SHTN1: variants seen among roughly 807,000 people sequenced by gnomAD.
The protein encoded by SHTN1 is shootin 1.
In SHTN1, 42 loss-of-function variants were observed where a neutral mutation model predicts 83.1. The observed-to-expected ratio is 0.51, with a 90% CI of 0.39 to 0.65. SHTN1 has a LOEUF of 0.65. SHTN1 is among the 30% of genes least tolerant of loss of function. SHTN1 has a pLI of 0.00. For synonymous variants in SHTN1, 224 were observed against 247.7 expected (o/e 0.90, Z 0.90); for missense variants, 622 against 737.8 (o/e 0.84, Z 1.82).
intron 2 of SHTN1, among the ~76,000 whole-genome samples, chr10:117,013,869 C>A (rs747853972): frequency 5.9e-5 from 9 of 152,152 alleles, no homozygotes; most frequent in Non-Finnish European, 1.2e-4. Context: ...GCCAAGATGT[C>A]CCTCAATAGG....
intron 1 of SHTN1, among the ~76,000 whole-genome samples, chr10:117,102,326 A>G (rs761171928): frequency 3.9e-5 from 6 of 152,214 alleles, no homozygotes; most frequent in Non-Finnish European, 8.8e-5. Flanking sequence ...AGTCTCAGGC[A>G]GAGACCAAGA....
chr10:116,938,068 C>A (rs972611661), intron 9 of SHTN1, among the ~76,000 whole-genome samples: 2 of 151,860 alleles, frequency 1.3e-5, no homozygotes, highest in African/African-American at 4.8e-5. Flanking sequence ...TTCCTCTAAC[C>A]TTTTATCAAG....
intron 2 of SHTN1, among the ~76,000 whole-genome samples, chr10:117,027,377 C>T (rs7085068): frequency 0.91 from 138,484 of 152,188 alleles, 64,406 homozygotes; most frequent in Non-Finnish European, 1. Context: ...AGCTTCTCCT[C>T]CACTGCCCAC....
chr10:117,023,622 T>G (rs1404805227), intron 2 of SHTN1: 1 of 152,642 alleles, frequency 6.6e-6, no homozygotes, highest in Admixed American at 6.5e-5. Context: ...GGGAAATTTT[T>G]GCCGTCTTCC....
Position 116,927,780 on chromosome 10 carries a change from G to A in SHTN1, c.1112+12C>T, listed in dbSNP as rs1848800266. On this transcript the variant is annotated intron_variant, in intron 11 of 16. Coordinates refer to ENST00000355371, the MANE Select transcript of SHTN1 (RefSeq NM_001127211.3). ...ACATTTGATGCAGAGCAGTCTTCCT[G>A]GATGTGCTTACCGGATAGGATTGGG... 1 of 1,550,748 alleles carries A rather than the reference G, an allele frequency of 6.4e-7. No individual in the cohort carries two copies. Among genetic ancestry groups the A allele is most frequent in the Admixed American group, 2.0e-5 (1 of 49,424 alleles).
At chr10:117,054,864 T>C (rs927110455) in intron 1 of SHTN1, among the ~76,000 whole-genome samples, 3 of 152,182 alleles carry the variant, frequency 2.0e-5, no homozygotes, top group Admixed American at 6.5e-5. Flanking sequence ...AAGCAATATA[T>C]ATCTTCCATA....
At chr10:116,936,856 T>C (rs1450562999) in intron 9 of SHTN1, among the ~76,000 whole-genome samples, 1 of 152,200 alleles carries the variant, frequency 6.6e-6, no homozygotes, top group African/African-American at 2.4e-5. Context: ...CTGTATTGGG[T>C]GCATATATAT....
At chr10:116,939,742 G>C (rs965555704) in intron 9 of SHTN1, among the ~76,000 whole-genome samples, 2 of 152,240 alleles carry the variant, frequency 1.3e-5, no homozygotes, top group African/African-American at 4.8e-5. Flanking sequence ...GCTTTGACAG[G>C]TGGTAACAAG....
chr10:117,055,515 T>C (rs1425904470), intron 1 of SHTN1, among the ~76,000 whole-genome samples: 1 of 152,220 alleles, frequency 6.6e-6, no homozygotes, highest in African/African-American at 2.4e-5. Context: ...TGGAACCAGA[T>C]AGTGGTGCTT....
At chr10:116,906,178 C>T (rs1390799703) in intron 15 of SHTN1, among the ~76,000 whole-genome samples, 6 of 152,236 alleles carry the variant, frequency 3.9e-5, no homozygotes, top group Admixed American at 3.9e-4. Context: ...TAGAATTATC[C>T]TATGAAGCAG....
intron 1 of SHTN1, among the ~76,000 whole-genome samples, chr10:117,056,272 A>C (rs1340567209): frequency 6.6e-6 from 1 of 152,226 alleles, no homozygotes; most frequent in East Asian, 1.9e-4. Flanking sequence ...AGAAAATTAC[A>C]GATCAATATT....
intron 2 of SHTN1, among the ~76,000 whole-genome samples, chr10:117,025,426 A>T (rs1445234119): frequency 6.6e-6 from 1 of 152,224 alleles, no homozygotes; most frequent in Non-Finnish European, 1.5e-5. Flanking sequence ...TGTGGGCTAA[A>T]GTGCTCTGGG....
chr10:117,065,733 AAAGAAAGAAAGAAAGAAAGAAAG>A lies in SHTN1; in HGVS notation c.-188-17246_-188-17224del, dbSNP rs1268536100. Among the ~76,000 whole-genome samples, 22 of 17,216 alleles carry A rather than the reference AAAGAAAGAAAGAAAGAAAGAAAG, an allele frequency of 1.3e-3. 3 individuals are homozygous for A. The highest frequency in any genetic ancestry group is 1.7e-3 in the Non-Finnish European group (13 of 7,706). The allele number at this position is 17,216 out of a possible 152,430, so 11.3% of individuals were successfully genotyped here. On this transcript the variant is annotated intron_variant, in intron 1 of 17. Transcript: ENST00000392901. Reference sequence around the variant, plus strand: ...AGAGAGAGAGAGAGAGAGATGAAAGAAAGAAAGAAAGAAAGAAAGAAAGAAAGAAAGAAAGAAAGAAAGAAAGA... The same window carrying A: ...AGAGAGAGAGAGAGAGAGATGAAAGAAAAGAAAGAAAGAAAGAAAGAAAGA...
At chr10:116,899,871 T>C (rs1161308879) in intron 16 of SHTN1, among the ~76,000 whole-genome samples, 2 of 152,218 alleles carry the variant, frequency 1.3e-5, no homozygotes. Flanking sequence ...GACACAGCAC[T>C]GAAAATAACC....
chr10:117,012,152 A>AAG lies in SHTN1; in HGVS notation c.-122-32846_-122-32845dup, dbSNP rs1286390771. 2.6e-5 allele frequency among the ~76,000 whole-genome samples: 4 copies of AAG among 151,770 alleles called. No individual in the cohort carries two copies. In the East Asian group the frequency reaches 5.8e-4, roughly 22 times the overall value. On this transcript the variant is annotated intron_variant, in intron 2 of 17. Transcript: ENST00000392901. ...AGACTCCATCTCAAAAAAAAAAAAA[A>AAG]AGAGAAAAAGGAAAAAAAACCCTCA...
At chr10:117,043,800 C>T (rs966550273) in intron 2 of SHTN1, among the ~76,000 whole-genome samples, 4 of 152,124 alleles carry the variant, frequency 2.6e-5, no homozygotes, top group Admixed American at 2.0e-4. Context: ...TGTGATCATG[C>T]TACTGCACTC....
chr10:117,109,699 G>A (rs1175645109), intron 1 of SHTN1, among the ~76,000 whole-genome samples: 1 of 150,384 alleles, frequency 6.6e-6, no homozygotes, highest in Non-Finnish European at 1.5e-5. Context: ...CAAGTAGCTG[G>A]GACTATAGGA....
chr10:116,946,183 C>CATAT (rs3981229), intron 7 of SHTN1, among the ~76,000 whole-genome samples: 1 of 149,092 alleles, frequency 6.7e-6, no homozygotes, highest in African/African-American at 2.5e-5. Flanking sequence ...CTCTGTCTTC[C>CATAT]ATATATATAT....
chr10:117,005,175 G>C lies in SHTN1; in HGVS notation c.-96C>G. 1 of 1,541,974 alleles carries C rather than the reference G, an allele frequency of 6.5e-7. No homozygotes were observed. Among genetic ancestry groups the C allele is most frequent in the Non-Finnish European group, 8.7e-7 (1 of 1,144,132 alleles). Reference sequence around the variant, plus strand: ...AAAAGCAAGATGCCGGTGGCTTGCGGCTCCACTACCCGGAAGTTGGATCCG... The same window carrying C: ...AAAAGCAAGATGCCGGTGGCTTGCGCCTCCACTACCCGGAAGTTGGATCCG... On this transcript the variant is annotated 5_prime_UTR_variant, in exon 1 of 17. Coordinates refer to ENST00000355371, the MANE Select transcript of SHTN1 (RefSeq NM_001127211.3).
Sources: gnomAD v4.1 joint callset for allele counts (sites outside exome capture counted in the v4.1 genomes callset) on GRCh38, gnomAD v4.1.1 for gene constraint, MANE v1.5 for transcripts, NCBI Gene and HGNC (gene_info 2026-07-23, HGNC 2026-07-21) for gene names.